The following PPFIA3 variants were observed in gnomAD, a reference collection of about 807,000 sequenced individuals.
The protein encoded by PPFIA3 is PPFI scaffold protein A3.
A neutral mutation model predicts 145.8 loss-of-function variants in PPFIA3; 26 were observed. That is an observed-to-expected ratio of 0.18 (90% CI 0.13 to 0.25). The LOEUF is 0.25. PPFIA3 is among the 10% of genes least tolerant of loss of function. The probability of loss-of-function intolerance (pLI) is 1.00; values close to 1 mark genes in which losing one functional copy is unlikely to be tolerated. For missense variants in PPFIA3, 1,008 were observed against 1,587.8 expected (o/e 0.63, Z 6.21); for synonymous variants, 645 against 661.4 (o/e 0.98, Z 0.38).
intron 17 of PPFIA3, 21 bp from the exon 18 acceptor site, chr19:49,139,940 C>T (rs745677588): frequency 1.6e-5 from 26 of 1,613,960 alleles, no homozygotes; most frequent in Non-Finnish European, 1.9e-5. Flanking sequence ...CATATGCTCT[C>T]ATTCTCTCCT....
At chr19:49,142,149 C>T in intron 20 of PPFIA3, 34 bp downstream of exon 20, 1 of 1,537,260 alleles carries the variant, frequency 6.5e-7, no homozygotes, top group Non-Finnish European at 8.8e-7. Context: ...GACTGTTGGT[C>T]CCCAACCCCT....
At chr19:49,137,013 AC>A in intron 15 of PPFIA3, 102 bp downstream of exon 15, 1 of 1,133,402 alleles carries the variant, frequency 8.8e-7, no homozygotes, top group Non-Finnish European at 1.2e-6. Flanking sequence ...CTCCTCTTAC[AC>A]CATCCACAAG....
intron 1 of PPFIA3, 39 bp from the exon 2 acceptor site, chr19:49,127,820 G>T: frequency 6.3e-7 from 1 of 1,577,192 alleles, no homozygotes; most frequent in South Asian, 1.1e-5. Flanking sequence ...GTTGTGCCTT[G>T]ACAAGGCCGG....
rs2041342015 is a variant in PPFIA3 at position 49,150,875 on chromosome 19, T to G, written c.*653T>G. 1 of 161,490 alleles carries G rather than the reference T, an allele frequency of 6.2e-6. No homozygotes were observed. The highest frequency in any genetic ancestry group is 1.8e-4 in the East Asian group (1 of 5,658). 10.0% of individuals were successfully genotyped at this position (161,490 alleles called of 1,614,324 possible). Reference sequence around the variant, plus strand: ...TCCCCTTCTCCTCTGGCTCCGGGGTTTGCATGGGAGAATCCTCTTTCCACG... The same window carrying G: ...TCCCCTTCTCCTCTGGCTCCGGGGTGTGCATGGGAGAATCCTCTTTCCACG... On this transcript the variant is annotated 3_prime_UTR_variant, in exon 30 of 30. Coordinates refer to ENST00000334186, the MANE Select transcript of PPFIA3 (RefSeq NM_003660.4).
Position 49,149,062 on chromosome 19 carries a change from C to T in PPFIA3, c.3179C>T (p.Thr1060Met). 2 of 1,614,152 alleles carry T rather than the reference C, an allele frequency of 1.2e-6. No homozygotes were observed. The highest frequency in any genetic ancestry group is 1.7e-6 in the Non-Finnish European group (2 of 1,180,026). ...VSGLGLKEFATNLTESGVHGA... is the reference protein window; with the variant it reads ...VSGLGLKEFAMNLTESGVHGA... ...GGGCTGGGCCTGAAGGAATTTGCCA[C>T]GAACCTCACGGAGAGCGGGGTACAC... The change falls in exon 26 of 30, where the codon ACG becomes ATG. Residue 1060 changes from threonine to methionine, a missense_variant. Physicochemically the swap from Thr to Met is moderately conservative, Grantham distance 81. This residue lies in a region of PPFIA3 where 154 missense variants were observed against 369.2 expected (regional missense o/e 0.42). Transcript: ENST00000334186. This position sits in a 1 kb window ranked among gnomAD's most constrained non-coding sequence, Gnocchi z 5.7.
Position 49,134,057 on chromosome 19 carries a change from C to T in PPFIA3, c.1269C>T (p.Asn423=), listed in dbSNP as rs757048101. ...LQRARQREKM[N]DDHNKRLSET... Reference sequence around the variant, plus strand: ...AGGCCCGGCAGCGGGAGAAGATGAACGATGACCACAATAAGCGGCTGTCCG... The same window carrying T: ...AGGCCCGGCAGCGGGAGAAGATGAATGATGACCACAATAAGCGGCTGTCCG... The change falls in exon 11 of 30, where the codon AAC becomes AAT. Residue 423 remains asparagine (N), a synonymous_variant. Coordinates refer to ENST00000334186, the MANE Select transcript of PPFIA3 (RefSeq NM_003660.4). The T allele has an allele frequency of 3.1e-6, 5 of 1,613,260 alleles. No homozygotes were observed. The South Asian group carries it at 4.4e-5, about 14-fold the overall frequency.
At chr19:49,134,599 C>A (rs953528496) in intron 11 of PPFIA3, 40 bp from the exon 12 acceptor site, 1 of 1,596,824 alleles carries the variant, frequency 6.3e-7, no homozygotes, top group Non-Finnish European at 8.6e-7. Context: ...GGGCGTGGCC[C>A]CTCAGGCCTC....
intron 13 of PPFIA3, 121 bp downstream of exon 13, chr19:49,135,036 T>TTTTG: frequency 1.6e-6 from 1 of 631,026 alleles, no homozygotes. Flanking sequence ...GTTTTTGTTT[T>TTTTG]TTGTTTGTTT....
intron 1 of PPFIA3, among the ~76,000 whole-genome samples, chr19:49,123,758 A>G (rs909111998): frequency 1.3e-5 from 2 of 152,116 alleles, no homozygotes; most frequent in East Asian, 3.9e-4. Flanking sequence ...TCTTAAATGT[A>G]AAAGATTCCC....
Position 49,132,995 on chromosome 19 carries a change from C to G in PPFIA3, c.880-6C>G. 6.2e-7 allele frequency: 1 copy of G among 1,610,026 alleles called. No homozygotes were observed. Among genetic ancestry groups the G allele is most frequent in the South Asian group, 1.1e-5 (1 of 90,610 alleles). On this transcript the variant is annotated splice_region_variant and splice_polypyrimidine_tract_variant and intron_variant, in intron 7 of 29. Transcript: ENST00000334186. ...CAGTCCACGGGGCCCTTTGCTACCT[C>G]CGCAGGCGCTGGCGCAGCGGGAAGA...
At position 49,128,489 on chromosome 19, in the gene PPFIA3, G is replaced by T; in HGVS notation, c.342+21G>T. 1 of 1,599,028 alleles carries T rather than the reference G, an allele frequency of 6.3e-7. No individual in the cohort carries two copies. Among genetic ancestry groups the T allele is most frequent in the Non-Finnish European group, 8.6e-7 (1 of 1,168,446 alleles). On this transcript the variant is annotated intron_variant, in intron 3 of 29. Transcript: ENST00000334186. This position sits in a 1 kb window ranked among gnomAD's most constrained non-coding sequence, Gnocchi z 4.1. ...CGCGGGTGAGGGGTGTTGAGGGCGGGGCCTAAGTGGGGGCGGGGCCTCGTG... is the reference window on the plus strand; with the variant it reads ...CGCGGGTGAGGGGTGTTGAGGGCGGTGCCTAAGTGGGGGCGGGGCCTCGTG...
chr19:49,134,951 AG>A, intron 13 of PPFIA3, 36 bp downstream of exon 13: 3 of 1,509,744 alleles, frequency 2.0e-6, no homozygotes, highest in Non-Finnish European at 2.7e-6. Flanking sequence ...CCCACCATGG[AG>A]CCCCGTTGGC....
chr19:49,145,875 G>T, intron 21 of PPFIA3, 68 bp from the exon 22 acceptor site: 1 of 1,434,248 alleles, frequency 7.0e-7, no homozygotes, highest in African/African-American at 1.4e-5. Flanking sequence ...CCTTCAGGAG[G>T]ACACCCTCCT....
At chr19:49,147,039 G>A (rs2041288689) in intron 23 of PPFIA3, among the ~76,000 whole-genome samples, 1 of 152,200 alleles carries the variant, frequency 6.6e-6, no homozygotes, top group Non-Finnish European at 1.5e-5. Flanking sequence ...CCAGCCAGGG[G>A]GAGGCGTGGA....
rs762425392 is a variant in PPFIA3, at chr19:49,133,229, TC to T, written c.1027-3del. 5 of 1,563,642 alleles carry T rather than the reference TC, an allele frequency of 3.2e-6. No homozygotes were observed. The South Asian group carries it at 5.6e-5, about 17-fold the overall frequency. On this transcript the variant is annotated splice_region_variant and splice_polypyrimidine_tract_variant and intron_variant, in intron 8 of 29. Coordinates refer to ENST00000334186, the MANE Select transcript of PPFIA3 (RefSeq NM_003660.4). This position sits in a 1 kb window ranked among gnomAD's most constrained non-coding sequence, Gnocchi z 7.2. ...CCCGTCCCCTCCCCCTGCCTCTCCC[TC>T]CCCCAGAGTGAAGAGAAGAGCCGTC... is the stretch of plus-strand genomic sequence containing the variant.
chr19:49,133,480 G>T lies in PPFIA3; in HGVS notation c.1161+109G>T. ...GAGCGAGGTCAGAACCCCGGATTTG[G>T]GGGAAAGGGTGGGGCCTAGGGGCTG... On this transcript the variant is annotated intron_variant, in intron 9 of 29. Coordinates refer to ENST00000334186, the MANE Select transcript of PPFIA3 (RefSeq NM_003660.4). The surrounding 1 kb of genome is among the most constrained non-coding windows in gnomAD (Gnocchi z 7.2). 1 of 1,345,884 alleles carries T rather than the reference G, an allele frequency of 7.4e-7. No individual in the cohort carries two copies. Among genetic ancestry groups the T allele is most frequent in the Non-Finnish European group, 9.9e-7 (1 of 1,014,774 alleles). The allele number at this position is 1,345,884 out of a possible 1,614,324, so 83.4% of individuals were successfully genotyped here.
intron 1 of PPFIA3, among the ~76,000 whole-genome samples, chr19:49,125,964 T>C (rs377451463): frequency 6.6e-6 from 1 of 152,130 alleles, no homozygotes; most frequent in Non-Finnish European, 1.5e-5. Flanking sequence ...TGTTTTGTTT[T>C]TTTTTGAGAC....
At chr19:49,137,570 C>T (rs1238250708) in intron 15 of PPFIA3, among the ~76,000 whole-genome samples, 1 of 136,854 alleles carries the variant, frequency 7.3e-6, no homozygotes, top group East Asian at 2.2e-4. Flanking sequence ...GCGGAGCTTG[C>T]AGTGAGCCGA....
chr19:49,132,060 G>A (rs1351496285), intron 7 of PPFIA3, among the ~76,000 whole-genome samples: 1 of 151,184 alleles, frequency 6.6e-6, no homozygotes, highest in Non-Finnish European at 1.5e-5. Context: ...TTGAGCTTGG[G>A]AGGTGGAAGT....
Sources: allele counts gnomAD v4.1 joint callset (sites outside exome capture counted in the v4.1 genomes callset), GRCh38; gene constraint gnomAD v4.1.1; regional missense constraint gnomAD v4.1.1; non-coding constraint Gnocchi (gnomAD v3.1); transcripts MANE v1.5; gene names NCBI Gene and HGNC (gene_info 2026-07-23, HGNC 2026-07-21).